Variants in EPYC observed in about 807,000 individuals in gnomAD.
The protein encoded by EPYC is epiphycan.
EPYC carries 28 observed loss-of-function variants against 30.1 expected under a neutral mutation model. The observed-to-expected ratio is 0.93, with a 90% CI of 0.69 to 1.28. The LOEUF is 1.28. Ranked by LOEUF, EPYC falls within the 50% of genes most tolerant of loss-of-function variation. The pLI is 0.00. For synonymous variants in EPYC, 144 were observed against 141.4 expected, an observed-to-expected ratio of 1.02 and a Z score of -0.13; for missense variants, 382 against 383.5, an observed-to-expected ratio of 1.00 and a Z score of 0.03.
At chr12:90,981,577 C>G (rs1220038515) in intron 2 of EPYC, among the ~76,000 whole-genome samples, 1 of 152,072 alleles carries the variant, frequency 6.6e-6, no homozygotes, top group African/African-American at 2.4e-5. Flanking sequence ...TGATGAAATT[C>G]ATTTGCCCCT....
chr12:91,000,892 C>T (rs1877807478), intron 2 of EPYC, among the ~76,000 whole-genome samples: 1 of 151,998 alleles, frequency 6.6e-6, no homozygotes, highest in African/African-American at 2.4e-5. Context: ...ATTGATGCAT[C>T]ACATTGGAGA....
intron 2 of EPYC, among the ~76,000 whole-genome samples, chr12:90,988,236 G>T (rs546390367): frequency 3.9e-5 from 6 of 152,214 alleles, no homozygotes; most frequent in African/African-American, 1.4e-4. Context: ...ATGGAAAAGT[G>T]ATATTTAAAA....
chr12:90,983,114 A>C lies in EPYC; in HGVS notation c.166-4852T>G, dbSNP rs139110652. On this transcript the variant is annotated intron_variant, in intron 2 of 6. Transcript: ENST00000261172. ...ATTTACATTCCCAACAAAGTATGCA[A>C]GGGTTCCCTTTTCTCCACAAACTCA... is the stretch of plus-strand genomic sequence containing the variant. Among the ~76,000 whole-genome samples, 21 of 152,286 alleles carry C rather than the reference A, an allele frequency of 1.4e-4. 1 individual carries two copies. The East Asian group carries it at 2.1e-3, about 15-fold the overall frequency.
chr12:90,974,247 C>A (rs770759359), intron 3 of EPYC, among the ~76,000 whole-genome samples: 1 of 125,424 alleles, frequency 8.0e-6, no homozygotes, highest in East Asian at 2.5e-4. Context: ...AATCAACAAC[C>A]TAAGCCTCCT....
chr12:90,976,422 A>G (rs1302580632), intron 3 of EPYC, among the ~76,000 whole-genome samples: 1 of 152,106 alleles, frequency 6.6e-6, no homozygotes, highest in African/African-American at 2.4e-5. Flanking sequence ...GGTAAGTTCT[A>G]TTATTTATTA....
intron 6 of EPYC, among the ~76,000 whole-genome samples, chr12:90,967,662 G>C (rs1307382190): frequency 6.6e-6 from 1 of 152,132 alleles, no homozygotes; most frequent in African/African-American, 2.4e-5. Flanking sequence ...TGATCTTATA[G>C]ATAGTTGTTC....
At chr12:90,983,433 A>G (rs1877372338) in intron 2 of EPYC, among the ~76,000 whole-genome samples, 1 of 152,198 alleles carries the variant, frequency 6.6e-6, no homozygotes, top group Non-Finnish European at 1.5e-5. Context: ...GCCAGACTAA[A>G]GACATGGGTG....
intron 2 of EPYC, among the ~76,000 whole-genome samples, chr12:90,984,546 T>C (rs1269900221): frequency 6.6e-6 from 1 of 152,032 alleles, no homozygotes; most frequent in Non-Finnish European, 1.5e-5. Context: ...GAGGGAAGTA[T>C]AAATTATAAT....
intron 2 of EPYC, among the ~76,000 whole-genome samples, chr12:90,984,150 GA>G (rs937104448): frequency 3.3e-5 from 5 of 152,106 alleles, no homozygotes; most frequent in Non-Finnish European, 4.4e-5. Flanking sequence ...ATACTAACAG[GA>G]AAACGCTTAG....
intron 2 of EPYC, among the ~76,000 whole-genome samples, chr12:90,994,916 A>G (rs1197424192): frequency 2.0e-5 from 3 of 152,140 alleles, no homozygotes; most frequent in Non-Finnish European, 4.4e-5. Flanking sequence ...TACACAGTTG[A>G]ATAAATTAAT....
At chr12:91,003,505 T>C (rs7133204) in intron 1 of EPYC, among the ~76,000 whole-genome samples, 1,954 of 152,168 alleles carry the variant, frequency 0.013, 34 homozygotes, top group African/African-American at 0.044. Context: ...ATTATGCTTT[T>C]TGAGGATTCA....
At position 90,972,978 on chromosome 12, in the gene EPYC, A is replaced by G. The variant is rs770450513; in HGVS notation, c.343T>C (p.Phe115Leu). 1.9e-6 allele frequency: 3 copies of G among 1,568,808 alleles called. No homozygotes were observed. The highest frequency in any genetic ancestry group is 3.4e-4 in the Middle Eastern group (2 of 5,902). ...GVLGPHTNED[F>L]PTCLLCTCIS... The stretch of plus-strand genomic sequence containing the variant: ...CAAGTACACAAAAGACAGGTTGGAA[A>G]GTCTAAAAGATAAAGGAAAATAAAA... The change falls in exon 4 of 7, where the codon TTT (phenylalanine) becomes CTT (leucine). Residue 115 changes from phenylalanine to leucine, a missense_variant and splice_region_variant. By Grantham distance (22) the Phe-to-Leu change is conservative. Coordinates refer to ENST00000261172, the MANE Select transcript of EPYC (RefSeq NM_004950.5).
intron 6 of EPYC, among the ~76,000 whole-genome samples, chr12:90,969,139 T>A (rs1044982797): frequency 1.3e-5 from 2 of 151,706 alleles, no homozygotes; most frequent in Non-Finnish European, 2.9e-5. Context: ...ATTCACAAAA[T>A]CCACAAGGGG....
intron 2 of EPYC, among the ~76,000 whole-genome samples, chr12:91,000,399 A>T (rs1047411897): frequency 6.6e-6 from 1 of 152,110 alleles, no homozygotes; most frequent in Non-Finnish European, 1.5e-5. Flanking sequence ...TATATTAAGT[A>T]ATGTTTATAC....
intron 6 of EPYC, among the ~76,000 whole-genome samples, chr12:90,966,563 A>G (rs1028369797): frequency 6.6e-6 from 1 of 152,088 alleles, no homozygotes; most frequent in Non-Finnish European, 1.5e-5. Flanking sequence ...ATTTGCATCA[A>G]TATTTATAAA....
At chr12:91,002,902 C>T (rs1343428658) in intron 1 of EPYC, among the ~76,000 whole-genome samples, 2 of 151,938 alleles carry the variant, frequency 1.3e-5, no homozygotes, top group Admixed American at 6.6e-5. Flanking sequence ...ATTTAATAAA[C>T]ATTAAGATCC....
chr12:90,985,829 A>G (rs905446553), intron 2 of EPYC, among the ~76,000 whole-genome samples: 17 of 151,748 alleles, frequency 1.1e-4, no homozygotes, highest in Non-Finnish European at 2.4e-4. Flanking sequence ...TCATGTCATC[A>G]CCCTCACTGA....
Position 90,978,148 on chromosome 12 carries a change from C to G in EPYC, c.280G>C (p.Asp94His). The G allele has an allele frequency of 6.2e-7, 1 of 1,605,736 alleles. No homozygotes were observed. The highest frequency in any genetic ancestry group is 8.5e-7 in the Non-Finnish European group (1 of 1,176,586). ...EEEESTPRLI[D>H]GSSPQEPEFT... ...TCAGGCTCCTGGGGAGAAGAGCCATCAATCAGCCTGGGAGTAGATTCCTCC... is the reference window on the plus strand; with the variant it reads ...TCAGGCTCCTGGGGAGAAGAGCCATGAATCAGCCTGGGAGTAGATTCCTCC... The change falls in exon 3 of 7, where the codon GAT becomes CAT. Residue 94 changes from aspartate (D) to histidine (H), a missense_variant. Asp to His is a moderately conservative substitution (Grantham distance 81). Transcript: ENST00000261172.
intron 2 of EPYC, among the ~76,000 whole-genome samples, chr12:90,998,259 C>T (rs1877741675): frequency 6.6e-6 from 1 of 152,040 alleles, no homozygotes. Flanking sequence ...GCCTACAACC[C>T]ATTCCTATTC....
Sources: gnomAD v4.1 joint callset for allele counts (sites outside exome capture counted in the v4.1 genomes callset) on GRCh38, gnomAD v4.1.1 for gene constraint, MANE v1.5 for transcripts, NCBI Gene and HGNC (gene_info 2026-07-23, HGNC 2026-07-21) for gene names.